Variants in GREP1 observed in about 807,000 individuals in gnomAD.
GREP1 encodes glycine-rich extracellular protein 1.
rs113095439 is a variant in GREP1 at position 2,989,561 on chromosome 16, T to C, written c.130+9T>C. 806 of 394,542 alleles carry C rather than the reference T, an allele frequency of 2.0e-3. 6 individuals are homozygous for C. Among genetic ancestry groups the C allele is most frequent in the African/African-American group, 0.016 (739 of 46,642 alleles). The allele number at this position is 394,542 out of a possible 1,614,324, so 24.4% of individuals were successfully genotyped here. ...CAGTGGCCTGGGAGCAGGTGAGGCC[T>C]GGCATAGGGAAGGGAGGCGTCTGAG... is the stretch of plus-strand genomic sequence containing the variant. On this transcript the variant is annotated intron_variant, in intron 3 of 34. Transcript: ENST00000573315. The surrounding 1 kb of genome is among the most constrained non-coding windows in gnomAD (Gnocchi z 4.2).
intron 22 of GREP1, chr16:2,997,457 G>A (rs1415749499): frequency 5.0e-6 from 2 of 399,062 alleles, no homozygotes; most frequent in African/African-American, 4.1e-5. Context: ...GCAGAAAGGA[G>A]GAAAGAGGTG....
chr16:2,988,820 C>T (rs369932478), intron 2 of GREP1, 198 bp downstream of exon 2: 6 of 395,264 alleles, frequency 1.5e-5, no homozygotes, highest in Admixed American at 4.4e-5. Context: ...AAGAGTCTCC[C>T]GGGGCAGAAC....
chr16:2,997,335 G>A (rs757725234), intron 21 of GREP1: 9 of 398,392 alleles, frequency 2.3e-5, no homozygotes, highest in African/African-American at 4.1e-5. Context: ...AAGGCCCTTC[G>A]CCCTCTCCTT....
intron 1 of GREP1, 49 bp downstream of exon 1, chr16:2,988,389 C>T (rs2072381689): frequency 2.5e-6 from 1 of 398,986 alleles, no homozygotes; most frequent in Non-Finnish European, 4.4e-6. Flanking sequence ...GCATCTGTGA[C>T]TGGGGCTGGG....
rs2072385464 is a variant in GREP1 at position 2,989,013 on chromosome 16, G to A, written c.100+391G>A. On this transcript the variant is annotated intron_variant, in intron 2 of 34. Transcript: ENST00000573315. This position sits in a 1 kb window ranked among gnomAD's most constrained non-coding sequence, Gnocchi z 4.2. ...GAAGAGTCTTTACTTCAGGGACCTGGGGGGTCCTAAGGGTAGAAGGAGGGG... is the reference window on the plus strand; with the variant it reads ...GAAGAGTCTTTACTTCAGGGACCTGAGGGGTCCTAAGGGTAGAAGGAGGGG... 1 of 253,808 alleles carries A rather than the reference G, an allele frequency of 3.9e-6. No individual in the cohort carries two copies. The highest frequency in any genetic ancestry group is 7.5e-6 in the Non-Finnish European group (1 of 134,156). 15.7% of individuals were successfully genotyped at this position (253,808 alleles called of 1,614,324 possible). A position where few individuals can be genotyped will look rare whatever the true frequency, so the allele number is the denominator to read the frequency against.
chr16:2,995,574 C>A, intron 15 of GREP1, 45 bp from the exon 16 acceptor site: 1 of 398,758 alleles, frequency 2.5e-6, no homozygotes, highest in South Asian at 1.3e-4. Context: ...TTACCTCCAC[C>A]TCAACCAAAC....
chr16:2,995,699 G>T (rs1039150576), intron 16 of GREP1, 40 bp from the exon 17 acceptor site: 3 of 398,706 alleles, frequency 7.5e-6, no homozygotes, highest in Middle Eastern at 6.3e-4. Context: ...TGTGGGTGGG[G>T]CCCCTGAGTC....
At chr16:2,999,461 C>G (rs1053711704) in intron 27 of GREP1, among the ~76,000 whole-genome samples, 1 of 151,470 alleles carries the variant, frequency 6.6e-6, no homozygotes, top group Non-Finnish European at 1.5e-5. Context: ...AGTCCCTCCC[C>G]GAGTCTACCC....
chr16:3,001,142 G>C, intron 33 of GREP1, 139 bp from the exon 28 acceptor site: 1 of 398,150 alleles, frequency 2.5e-6, no homozygotes, highest in East Asian at 3.6e-5. Context: ...CTCTCCCCCC[G>C]GTCCTCTGAG....
chr16:3,000,228 C>T (rs1424986784), intron 29 of GREP1, 110 bp downstream of exon 26: 2 of 399,496 alleles, frequency 5.0e-6, no homozygotes, highest in Non-Finnish European at 8.8e-6. Context: ...GTCACCTGGC[C>T]CTCCTGATGC....
intron 7 of GREP1, 69 bp downstream of exon 6, chr16:2,990,656 G>C (rs1451357386): frequency 7.5e-6 from 3 of 398,700 alleles, no homozygotes; most frequent in African/African-American, 4.1e-5. Flanking sequence ...CTGATACTGT[G>C]GGGGAGGGAA....
chr16:2,999,510 A>G (rs574701096), intron 27 of GREP1, among the ~76,000 whole-genome samples: 1 of 124,934 alleles, frequency 8.0e-6, no homozygotes, highest in East Asian at 2.3e-4. Flanking sequence ...TTTTTGAGAC[A>G]GTCTCGCTCT....
chr16:2,988,581 C>T lies in GREP1; in HGVS notation c.68-9C>T. ...CCAGCCTTGAGTCAGCACTGTCTTG[C>T]TTCCGCAGGGCTGCCCCTTCTGCCT... On this transcript the variant is annotated splice_polypyrimidine_tract_variant and intron_variant, in intron 1 of 34. Coordinates refer to ENST00000573315, the Ensembl canonical transcript of GREP1. 1 of 399,174 alleles carries T rather than the reference C, an allele frequency of 2.5e-6. No homozygotes were observed. Among genetic ancestry groups the T allele is most frequent in the Non-Finnish European group, 4.4e-6 (1 of 226,162 alleles). 24.7% of individuals were successfully genotyped at this position (399,174 alleles called of 1,614,324 possible).
chr16:2,996,184 T>C (rs757914497), intron 18 of GREP1, among the ~76,000 whole-genome samples: 4 of 152,004 alleles, frequency 2.6e-5, no homozygotes, highest in Admixed American at 1.3e-4. Context: ...CCACCTGCCT[T>C]GGCTTCCCAA....
At position 2,999,861 on chromosome 16, in the gene GREP1, G is replaced by A. The variant is rs145664346; in HGVS notation, c.1190-41G>A. On this transcript the variant is annotated intron_variant, in intron 27 of 34. Coordinates refer to ENST00000573315, the Ensembl canonical transcript of GREP1. ...ATCTTTGGCCTCCAAGGAGTCAGGG[G>A]AGACCTGGGTCCCCCGCACTGACTT... 157 of 399,064 alleles carry A rather than the reference G, an allele frequency of 3.9e-4. 1 individual carries two copies. Among genetic ancestry groups the A allele is most frequent in the African/African-American group, 3.0e-3 (144 of 48,744 alleles). The allele number at this position is 399,064 out of a possible 1,614,324, so 24.7% of individuals were successfully genotyped here.
chr16:3,000,368 A>AGGGGTCGGGGTGGGAGAGTT, intron 30 of GREP1: 1 of 399,180 alleles, frequency 2.5e-6, no homozygotes, highest in African/African-American at 2.1e-5. Flanking sequence ...CCTGGGGAGC[A>AGGGGTCGGGGTGGGAGAGTT]GGGGTCGGGG....
chr16:2,998,860 C>T (rs541430872), exon 26 of GREP1: 12 of 399,106 alleles, frequency 3.0e-5, no homozygotes, highest in South Asian at 2.5e-4. Context: ...CCCTGCAATG[C>T]GAGGGTCGCT....
At chr16:3,001,411 A>C (rs1413746268) in intron 34 of GREP1, 77 bp downstream of exon 28, 2 of 398,946 alleles carry the variant, frequency 5.0e-6, no homozygotes, top group East Asian at 3.6e-5. Flanking sequence ...ACTGGGGGAC[A>C]CCCAGCCCTT....
At chr16:2,993,451 T>C (rs2072408819) in intron 10 of GREP1, 1 of 151,402 alleles carries the variant, frequency 6.6e-6, no homozygotes, top group Non-Finnish European at 1.5e-5. Flanking sequence ...AAGACCAGCC[T>C]GGGCAACATT....
Sources: gnomAD v4.1 joint callset for allele counts (sites outside exome capture counted in the v4.1 genomes callset) on GRCh38, gnomAD v4.1.1 for gene constraint, Gnocchi (gnomAD v3.1) non-coding constraint, MANE v1.5 for transcripts, NCBI Gene and HGNC (gene_info 2026-07-23, HGNC 2026-07-21) for gene names.